Variants in PAX3 observed in about 807,000 individuals in gnomAD.
PAX3 encodes the protein paired box protein Pax-3.
PAX3 carries 14 observed loss-of-function variants against 51.6 expected under a neutral mutation model. The observed-to-expected ratio is 0.27, with a 90% CI of 0.18 to 0.42. PAX3 has a LOEUF of 0.42. PAX3 is among the 10% of genes least tolerant of loss of function. The pLI, the probability that PAX3 is intolerant of heterozygous loss-of-function variation, is 1.00. For missense variants in PAX3, 540 were observed against 642.8 expected (o/e 0.84, Z 1.73); for synonymous variants, 280 against 253.4 (o/e 1.11, Z -1.00).
At position 222,200,926 on chromosome 2, in the gene PAX3, T is replaced by A. The variant is rs1691261839; in HGVS notation, c.*482A>T. ...TTCTTGCTTCATGAAATGAGCAGTT[T>A]TAAAGTTGTAGAAGTATCAGCATCG... On this transcript the variant is annotated 3_prime_UTR_variant, in exon 9 of 9. Transcript: ENST00000392070. 1 of 552,532 alleles carries A rather than the reference T, an allele frequency of 1.8e-6. No homozygotes were observed. Among genetic ancestry groups the A allele is most frequent in the East Asian group, 3.0e-5 (1 of 33,166 alleles). The allele number at this position is 552,532 out of a possible 1,614,324, so 34.2% of individuals were successfully genotyped here.
chr2:222,261,815 CTTT>C (rs936196112), intron 4 of PAX3, among the ~76,000 whole-genome samples: 6 of 152,122 alleles, frequency 3.9e-5, no homozygotes, highest in African/African-American at 1.2e-4. Context: ...GGAGATTGAC[CTTT>C]TCTTTATGAA....
At position 222,292,127 on chromosome 2, in the gene PAX3, C is replaced by T. The variant is rs1417879657; in HGVS notation, c.586+2040G>A. Among the ~76,000 whole-genome samples, 5 of 152,206 alleles carry T rather than the reference C, an allele frequency of 3.3e-5. No individual in the cohort carries two copies. The East Asian group carries it at 5.8e-4, about 18-fold the overall frequency. ...GCTAGACAGCCCAAAAGACTAGAAA[C>T]ATTTTGTAGGTGAAATGGCCACTTT... On this transcript the variant is annotated intron_variant, in intron 4 of 8. Transcript: ENST00000392070.
intron 4 of PAX3, among the ~76,000 whole-genome samples, chr2:222,270,375 G>A (rs16863624): frequency 0.13 from 19,391 of 152,166 alleles, 1,401 homozygotes; most frequent in East Asian, 0.25. Context: ...CAGAGTTTAT[G>A]TTACCCTCAA....
At chr2:222,263,554 A>G (rs1574712781) in intron 4 of PAX3, 1 of 152,202 alleles carries the variant, frequency 6.6e-6, no homozygotes, top group African/African-American at 2.4e-5. Flanking sequence ...TCACTCTGTA[A>G]AACAGTCTGG....
intron 1 of PAX3, chr2:222,298,159 A>G: frequency 6.8e-6 from 2 of 294,594 alleles, no homozygotes; most frequent in Non-Finnish European, 6.4e-6. Context: ...GTGTGGGCGC[A>G]GCCGGGACAA....
In PAX3 at chr2:222,298,855, G is replaced by A; in HGVS notation, c.-240C>T. On this transcript the variant is annotated 5_prime_UTR_variant, in exon 1 of 9. Coordinates refer to ENST00000392070, the MANE Select transcript of PAX3 (RefSeq NM_181458.4). ...GAGTCCAGGATCCCGAGCCCAGGGC[G>A]GAAAAGTTTGGTACGAGTCTGGGCA... 1 of 587,674 alleles carries A rather than the reference G, an allele frequency of 1.7e-6. No homozygotes were observed. The highest frequency in any genetic ancestry group is 2.0e-5 in the South Asian group (1 of 50,418). 36.4% of individuals were successfully genotyped at this position (587,674 alleles called of 1,614,324 possible). A position where few individuals can be genotyped will look rare whatever the true frequency, so the allele number is the denominator to read the frequency against.
chr2:222,204,318 A>G (rs1307624296), intron 7 of PAX3, among the ~76,000 whole-genome samples: 4 of 152,164 alleles, frequency 2.6e-5, no homozygotes. Flanking sequence ...GAACATAACT[A>G]AGAATGCATT....
intron 7 of PAX3, among the ~76,000 whole-genome samples, chr2:222,203,522 G>C (rs571780972): frequency 2.0e-5 from 3 of 152,228 alleles, no homozygotes; most frequent in Admixed American, 1.3e-4. Context: ...GGAGAGGGCA[G>C]AAATGACAAC....
chr2:222,295,077 G>A (rs1411651593), intron 3 of PAX3, among the ~76,000 whole-genome samples: 1 of 151,712 alleles, frequency 6.6e-6, no homozygotes, highest in Non-Finnish European at 1.5e-5. Flanking sequence ...CCGTGGCGGG[G>A]GGCTCCGGAC....
intron 4 of PAX3, among the ~76,000 whole-genome samples, chr2:222,287,802 C>T (rs1402369441): frequency 1.3e-5 from 2 of 152,062 alleles, no homozygotes; most frequent in Non-Finnish European, 2.9e-5. Flanking sequence ...TTAGATAATA[C>T]CCACCAAAAT....
At chr2:222,222,158 T>C (rs1004233352) in intron 5 of PAX3, among the ~76,000 whole-genome samples, 1 of 152,116 alleles carries the variant, frequency 6.6e-6, no homozygotes, top group Non-Finnish European at 1.5e-5. Context: ...AAGTATTTTG[T>C]ATGAGTCAAT....
Position 222,265,688 on chromosome 2 carries a change from AAGG to A in PAX3, c.586+28476_586+28478del. On this transcript the variant is annotated intron_variant, in intron 4 of 8. Transcript: ENST00000392070. ...GAAGGAAGGAAGGAAGGAAGGAAGG[AAGG>A]GAGAAAGATTGATTTTGATTTTTCC... Among the ~76,000 whole-genome samples the A allele has an allele frequency of 2.8e-5, 3 of 106,768 alleles. No individual in the cohort carries two copies. In the Middle Eastern group the frequency reaches 0.014, roughly 485 times the overall value. The allele number at this position is 106,768 out of a possible 152,430, so 70.0% of individuals were successfully genotyped here.
chr2:222,246,174 C>T (rs375126093), intron 4 of PAX3, among the ~76,000 whole-genome samples: 2 of 152,150 alleles, frequency 1.3e-5, no homozygotes, highest in African/African-American at 4.8e-5. Context: ...GAGGATCTGA[C>T]AATGTGTCCT....
chr2:222,249,472 A>G (rs917558637), intron 4 of PAX3, among the ~76,000 whole-genome samples: 1 of 152,178 alleles, frequency 6.6e-6, no homozygotes, highest in Non-Finnish European at 1.5e-5. Context: ...ATTTGTCAAC[A>G]AAGAGGTTTT....
chr2:222,284,773 G>C (rs1694776582), intron 4 of PAX3, among the ~76,000 whole-genome samples: 1 of 152,194 alleles, frequency 6.6e-6, no homozygotes, highest in Non-Finnish European at 1.5e-5. Flanking sequence ...CAAGACTTTT[G>C]AGTTTTGCTG....
chr2:222,220,371 T>G lies in PAX3; in HGVS notation c.959-17A>C. On this transcript the variant is annotated splice_polypyrimidine_tract_variant and intron_variant, in intron 6 of 8. Transcript: ENST00000392070. Reference sequence around the variant, plus strand: ...CTGACACAGCTGAAATGAAAAAGATTGTCAACCATCATGTTTTCTTTTAGG... The same window carrying G: ...CTGACACAGCTGAAATGAAAAAGATGGTCAACCATCATGTTTTCTTTTAGG... The G allele has an allele frequency of 6.2e-7, 1 of 1,612,516 alleles. No individual in the cohort carries two copies. The highest frequency in any genetic ancestry group is 8.5e-7 in the Non-Finnish European group (1 of 1,178,680).
At chr2:222,252,741 G>A (rs1693485439) in intron 4 of PAX3, among the ~76,000 whole-genome samples, 1 of 152,068 alleles carries the variant, frequency 6.6e-6, no homozygotes, top group Non-Finnish European at 1.5e-5. Flanking sequence ...AGGTCTCTGT[G>A]ATGTTACTCA....
chr2:222,201,817 C>CAAAAA, intron 8 of PAX3, 127 bp downstream of exon 8: 1 of 1,448,462 alleles, frequency 6.9e-7, no homozygotes. Flanking sequence ...GCTGGCTTTG[C>CAAAAA]AAAAAAAAAA....
intron 4 of PAX3, among the ~76,000 whole-genome samples, chr2:222,257,614 T>C (rs1006664777): frequency 6.6e-6 from 1 of 152,218 alleles, no homozygotes; most frequent in African/African-American, 2.4e-5. Context: ...TCTCCATTCA[T>C]CTTTTCAAAT....
Sources: allele counts gnomAD v4.1 joint callset (sites outside exome capture counted in the v4.1 genomes callset), GRCh38; gene constraint gnomAD v4.1.1; transcripts MANE v1.5; gene names NCBI Gene and HGNC (gene_info 2026-07-23, HGNC 2026-07-21).